Variants in ZNF606 observed in about 807,000 individuals in gnomAD.
ZNF606 encodes zinc finger protein 606.
A neutral mutation model predicts 74.9 loss-of-function variants in ZNF606; 37 were observed. The ratio of observed to expected loss-of-function variants is 0.49; its 90% CI spans 0.38 to 0.65. The LOEUF (loss-of-function observed/expected upper bound fraction) is 0.65, where lower values mean the gene tolerates loss of function less well. Ranked by LOEUF, ZNF606 falls within the 30% of genes least tolerant of loss-of-function variation. ZNF606 has a pLI of 0.00. For synonymous variants in ZNF606, 328 were observed against 312.4 expected, an observed-to-expected ratio of 1.05 and a Z score of -0.53; for missense variants, 852 against 952.9, an observed-to-expected ratio of 0.89 and a Z score of 1.39.
chr19:57,985,591 ACTCTGAGAAG>A (rs1329098772), intron 6 of ZNF606, among the ~76,000 whole-genome samples: 1 of 152,054 alleles, frequency 6.6e-6, no homozygotes, highest in Non-Finnish European at 1.5e-5. Flanking sequence ...GTCTATAGGG[ACTCTGAGAAG>A]CTCCAACCTA....
chr19:58,002,878 G>C (rs1002847063), upstream of ZNF606: 4 of 431,960 alleles, frequency 9.3e-6, no homozygotes, highest in African/African-American at 8.2e-5. Flanking sequence ...TTCCGGCGTC[G>C]GGCAGCGGCG....
chr19:57,996,645 G>C (rs1484308293), intron 4 of ZNF606, among the ~76,000 whole-genome samples: 1 of 152,194 alleles, frequency 6.6e-6, no homozygotes, highest in Admixed American at 6.5e-5. Flanking sequence ...GGAGATGAGA[G>C]GGACCCTTCA....
chr19:57,995,966 C>T lies in ZNF606; in HGVS notation c.177+3842G>A, dbSNP rs565253157. Among the ~76,000 whole-genome samples, 38 of 152,206 alleles carry T rather than the reference C, an allele frequency of 2.5e-4. No homozygotes were observed. The South Asian group carries it at 6.6e-3, about 27-fold the overall frequency. On this transcript the variant is annotated intron_variant, in intron 4 of 6. Transcript: ENST00000551380. ...AGTAAAAGAAGAAAAACAACAAATACGACAAAACAGTAATATTGTTCACTG... is the reference window on the plus strand; with the variant it reads ...AGTAAAAGAAGAAAAACAACAAATATGACAAAACAGTAATATTGTTCACTG...
chr19:57,983,102 C>T lies in ZNF606; in HGVS notation c.401-2823G>A, dbSNP rs368357191. On this transcript the variant is annotated intron_variant, in intron 6 of 6. Transcript: ENST00000551380. Reference sequence around the variant, plus strand: ...AAATGGAAGCTGACCAATTCCCTGACCAAATGAAAGACCAACTGAAAGACC... The same window carrying T: ...AAATGGAAGCTGACCAATTCCCTGATCAAATGAAAGACCAACTGAAAGACC... Among the ~76,000 whole-genome samples the T allele has an allele frequency of 5.9e-5, 9 of 152,196 alleles. No individual in the cohort carries two copies. In the East Asian group the frequency reaches 7.7e-4, roughly 13 times the overall value.
intron 4 of ZNF606, chr19:57,998,605 G>A (rs547678379): frequency 2.0e-5 from 3 of 152,236 alleles, no homozygotes; most frequent in South Asian, 2.1e-4. Flanking sequence ...TCTTTTTAGG[G>A]TGATGAAAAT....
chr19:57,999,755 G>A (rs747447745), intron 4 of ZNF606, 53 bp downstream of exon 4: 15 of 1,562,158 alleles, frequency 9.6e-6, no homozygotes, highest in Middle Eastern at 1.7e-4. Context: ...CAACTGGGAT[G>A]ACCAGGGATA....
At chr19:58,001,470 T>C in intron 1 of ZNF606, 100 bp from the exon 2 acceptor site, 1 of 842,540 alleles carries the variant, frequency 1.2e-6, no homozygotes, top group Non-Finnish European at 1.9e-6. Flanking sequence ...CAAAAAAACT[T>C]GTAAGGAGCA....
intron 4 of ZNF606, among the ~76,000 whole-genome samples, chr19:57,991,432 T>C (rs2073258416): frequency 6.6e-6 from 1 of 152,208 alleles, no homozygotes; most frequent in African/African-American, 2.4e-5. Context: ...GGTTTTCCTC[T>C]TACAGACTGC....
intron 4 of ZNF606, among the ~76,000 whole-genome samples, chr19:57,995,420 A>G (rs1568582754): frequency 2.0e-5 from 3 of 152,102 alleles, no homozygotes; most frequent in African/African-American, 4.8e-5. Context: ...TACACTCGGC[A>G]GCGCAAAAGG....
chr19:57,993,748 G>C (rs1466963544), intron 4 of ZNF606, among the ~76,000 whole-genome samples: 1 of 152,218 alleles, frequency 6.6e-6, no homozygotes, highest in Non-Finnish European at 1.5e-5. Flanking sequence ...ACCAGGTGGG[G>C]AAGAGAAGGG....
At chr19:57,982,738 A>G (rs2123276179) in intron 6 of ZNF606, among the ~76,000 whole-genome samples, 1 of 152,198 alleles carries the variant, frequency 6.6e-6, no homozygotes, top group South Asian at 2.1e-4. Flanking sequence ...GGCTCAGGCA[A>G]TCCTCCCACC....
intron 3 of ZNF606, 40 bp from the exon 4 acceptor site, chr19:57,999,936 G>GCCT: frequency 6.3e-7 from 1 of 1,594,734 alleles, no homozygotes; most frequent in Non-Finnish European, 8.6e-7. Context: ...AGCTCTCGCT[G>GCCT]CCAGGAGCTC....
Position 57,978,227 on chromosome 19 carries a change from C to G in ZNF606, c.*74G>C. ...TACTGAACTCTTAATGAAAAATGTC[C>G]CCTCTTGATTATGTTTATAGGGTTT... On this transcript the variant is annotated 3_prime_UTR_variant, in exon 7 of 7. Coordinates refer to ENST00000551380, the MANE Select transcript of ZNF606 (RefSeq NM_001348022.3). This position sits in a 1 kb window ranked among gnomAD's most constrained non-coding sequence, Gnocchi z 4.4. 5 of 1,392,698 alleles carry G rather than the reference C, an allele frequency of 3.6e-6. No individual in the cohort carries two copies. Among genetic ancestry groups the G allele is most frequent in the Non-Finnish European group, 3.8e-6 (4 of 1,042,602 alleles). 86.3% of individuals were successfully genotyped at this position (1,392,698 alleles called of 1,614,324 possible).
chr19:58,002,763 C>G lies in ZNF606; in HGVS notation c.-419G>C, dbSNP rs1292901526. ...CCCGCAGCTACGGCGGCCCCACAGC[C>G]TGAGCAAAGGCCTCACCTCAGCCGC... is the stretch of plus-strand genomic sequence containing the variant. On this transcript the variant is annotated 5_prime_UTR_variant, in exon 1 of 7. Transcript: ENST00000551380. 6.6e-6 allele frequency: 3 copies of G among 454,362 alleles called. No individual in the cohort carries two copies. The highest frequency in any genetic ancestry group is 3.1e-5 in the South Asian group (2 of 64,468). The allele number at this position is 454,362 out of a possible 1,614,324, so 28.1% of individuals were successfully genotyped here.
chr19:58,000,592 C>T lies in ZNF606; in HGVS notation c.88+91G>A, dbSNP rs1005382683. 7 of 1,396,224 alleles carry T rather than the reference C, an allele frequency of 5.0e-6. No homozygotes were observed. The African/African-American group carries it at 7.1e-5, about 14-fold the overall frequency. The allele number at this position is 1,396,224 out of a possible 1,614,324, so 86.5% of individuals were successfully genotyped here. A position where few individuals can be genotyped will look rare whatever the true frequency, so the allele number is the denominator to read the frequency against. ...TGGACCACCTGCCCTAAAGCCCCAC[C>T]TGGTCCCCATTCTATTCCCCAGCTG... is the stretch of plus-strand genomic sequence containing the variant. On this transcript the variant is annotated intron_variant, in intron 3 of 6. Coordinates refer to ENST00000551380, the MANE Select transcript of ZNF606 (RefSeq NM_001348022.3).
Position 58,002,509 on chromosome 19 carries a change from G to A in ZNF606, c.-165C>T, listed in dbSNP as rs892046682. 12 of 442,306 alleles carry A rather than the reference G, an allele frequency of 2.7e-5. No homozygotes were observed. The highest frequency in any genetic ancestry group is 3.4e-4 in the Middle Eastern group (1 of 2,948). 27.4% of individuals were successfully genotyped at this position (442,306 alleles called of 1,614,324 possible). ...AGGTCCGGCCCAGGAGTGCGCTTGG[G>A]AGCTCCCGGCGCGGCCTCGGGGACA... On this transcript the variant is annotated 5_prime_UTR_variant, in exon 1 of 7. Transcript: ENST00000551380.
Position 57,978,080 on chromosome 19 carries a change from C to G in ZNF606, c.*221G>C. On this transcript the variant is annotated 3_prime_UTR_variant, in exon 7 of 7. Coordinates refer to ENST00000551380, the MANE Select transcript of ZNF606 (RefSeq NM_001348022.3). The surrounding 1 kb of genome is among the most constrained non-coding windows in gnomAD (Gnocchi z 4.4). Reference sequence around the variant, plus strand: ...CATAAGGGGAGTTTAGAGTTTCCTTCATTGTTAATTATCTGATTTTGAGTA... The same window carrying G: ...CATAAGGGGAGTTTAGAGTTTCCTTGATTGTTAATTATCTGATTTTGAGTA... 2.4e-6 allele frequency: 1 copy of G among 416,020 alleles called. No homozygotes were observed. The highest frequency in any genetic ancestry group is 4.2e-6 in the Non-Finnish European group (1 of 239,704). The allele number at this position is 416,020 out of a possible 1,614,324, so 25.8% of individuals were successfully genotyped here.
At chr19:57,982,759 G>A (rs909765500) in intron 6 of ZNF606, among the ~76,000 whole-genome samples, 3 of 152,082 alleles carry the variant, frequency 2.0e-5, no homozygotes, top group East Asian at 1.9e-4. Context: ...TCAGCCTTCC[G>A]AGTAACAGGA....
intron 1 of ZNF606, chr19:58,002,109 G>A (rs4801242): frequency 0.21 from 95,247 of 450,120 alleles, 10,657 homozygotes; most frequent in Non-Finnish European, 0.24. Flanking sequence ...CGAAAACGCA[G>A]AATGCAAACC....
Sources: gnomAD v4.1 joint callset for allele counts (sites outside exome capture counted in the v4.1 genomes callset) on GRCh38, gnomAD v4.1.1 for gene constraint, Gnocchi (gnomAD v3.1) non-coding constraint, MANE v1.5 for transcripts, NCBI Gene and HGNC (gene_info 2026-07-23, HGNC 2026-07-21) for gene names.